HOMER1: variants seen among roughly 807,000 people sequenced by gnomAD.
HOMER1 encodes homer protein homolog 1.
HOMER1 carries 3 observed loss-of-function variants against 48.9 expected under a neutral mutation model. That is an observed-to-expected ratio of 0.06 (90% CI 0.03 to 0.16). The LOEUF (loss-of-function observed/expected upper bound fraction) is 0.16, where lower values mean the gene tolerates loss of function less well. Ranked by LOEUF, HOMER1 falls within the 10% of genes least tolerant of loss-of-function variation. HOMER1 has a pLI of 1.00. For synonymous variants in HOMER1, 134 were observed against 146.4 expected (o/e 0.92, Z 0.61); for missense variants, 247 against 411.4 (o/e 0.60, Z 3.46).
intron 1 of HOMER1, among the ~76,000 whole-genome samples, chr5:79,491,318 TGGTGAGGCAAGA>T (rs1752269790): frequency 6.7e-6 from 1 of 149,540 alleles, no homozygotes. Context: ...AGCTACTTGG[TGGTGAGGCAAGA>T]GGCGAGGTAG....
At chr5:79,418,316 C>CT (rs1273718806) in intron 5 of HOMER1, among the ~76,000 whole-genome samples, 2 of 152,188 alleles carry the variant, frequency 1.3e-5, no homozygotes, top group East Asian at 1.9e-4. Flanking sequence ...TCAAAAGAGG[C>CT]TTTTTTTGGT....
chr5:79,386,729 A>C (rs564494454), intron 8 of HOMER1, among the ~76,000 whole-genome samples: 2 of 152,342 alleles, frequency 1.3e-5, no homozygotes, highest in East Asian at 3.9e-4. Flanking sequence ...CATGTATCCC[A>C]TAAATACGTA....
intron 5 of HOMER1, among the ~76,000 whole-genome samples, chr5:79,436,795 G>C (rs1303263016): frequency 6.6e-6 from 1 of 152,124 alleles, no homozygotes; most frequent in Non-Finnish European, 1.5e-5. Flanking sequence ...TATACCTCAG[G>C]TGGAAATCTT....
intron 8 of HOMER1, among the ~76,000 whole-genome samples, chr5:79,394,243 C>A (rs911809736): frequency 6.6e-6 from 1 of 152,154 alleles, no homozygotes; most frequent in African/African-American, 2.4e-5. Flanking sequence ...TTTCAGGATT[C>A]TTTTCCAAGG....
At position 79,513,061 on chromosome 5, in the gene HOMER1, A is replaced by G. The variant is rs1752985364; in HGVS notation, c.-287T>C. 1 of 480,190 alleles carries G rather than the reference A, an allele frequency of 2.1e-6. No individual in the cohort carries two copies. Among genetic ancestry groups the G allele is most frequent in the Non-Finnish European group, 3.7e-6 (1 of 270,714 alleles). 29.7% of individuals were successfully genotyped at this position (480,190 alleles called of 1,614,324 possible). On this transcript the variant is annotated 5_prime_UTR_variant, in exon 1 of 9. Coordinates refer to ENST00000334082, the MANE Select transcript of HOMER1 (RefSeq NM_004272.5). ...CTCTATTCCACAAAATGAGTCTACA[A>G]GTAGGGAAATGCAGAATCCGGCTTC...
chr5:79,495,825 T>C (rs1561387071), intron 1 of HOMER1, among the ~76,000 whole-genome samples: 1 of 152,246 alleles, frequency 6.6e-6, no homozygotes, highest in East Asian at 1.9e-4. Flanking sequence ...ATCAATTAAC[T>C]GTCAACAGTG....
chr5:79,450,684 T>C (rs1292960187), intron 3 of HOMER1, among the ~76,000 whole-genome samples: 7 of 152,184 alleles, frequency 4.6e-5, no homozygotes, highest in Admixed American at 4.6e-4. Context: ...CCATCTCCAA[T>C]TGAGGGTACT....
chr5:79,412,354 T>C (rs145458012), intron 5 of HOMER1, among the ~76,000 whole-genome samples: 86 of 152,284 alleles, frequency 5.6e-4, no homozygotes, highest in African/African-American at 2.0e-3. Flanking sequence ...TACTAAAAAA[T>C]ACTTGGAACA....
intron 1 of HOMER1, among the ~76,000 whole-genome samples, chr5:79,481,061 A>G (rs1279814457): frequency 6.6e-6 from 1 of 152,262 alleles, no homozygotes. Flanking sequence ...AGATCTATCT[A>G]AAACACATTT....
At chr5:79,438,216 C>T (rs958859004) in intron 5 of HOMER1, among the ~76,000 whole-genome samples, 1 of 152,102 alleles carries the variant, frequency 6.6e-6, no homozygotes, top group Non-Finnish European at 1.5e-5. Context: ...GTTTTCCTAA[C>T]TTTAACTAAA....
At chr5:79,391,422 G>A (rs1308863256) in intron 8 of HOMER1, among the ~76,000 whole-genome samples, 3 of 151,196 alleles carry the variant, frequency 2.0e-5, no homozygotes, top group Admixed American at 6.6e-5. Flanking sequence ...GAACCACCGC[G>A]CCTGGCCAAA....
At chr5:79,442,097 A>T (rs529341319) in intron 4 of HOMER1, among the ~76,000 whole-genome samples, 43 of 152,226 alleles carry the variant, frequency 2.8e-4, no homozygotes, top group African/African-American at 9.9e-4. Context: ...TGAGAAAATA[A>T]AACCACTTAC....
Position 79,415,588 on chromosome 5 carries a change from T to C in HOMER1, c.528-13533A>G, listed in dbSNP as rs114077893. On this transcript the variant is annotated intron_variant, in intron 5 of 8. Transcript: ENST00000334082. ...AAACCTAAAAGAGTTGTCATAGTCA[T>C]AGTTTAATTGACGATATTTTTTCTT... is the stretch of plus-strand genomic sequence containing the variant. 7.8e-3 allele frequency among the ~76,000 whole-genome samples: 1,184 copies of C among 152,326 alleles called. 12 individuals are homozygous for C. Among genetic ancestry groups the C allele is most frequent in the African/African-American group, 0.026 (1,060 of 41,558 alleles).
chr5:79,381,553 T>C (rs1748976558), intron 8 of HOMER1, among the ~76,000 whole-genome samples: 1 of 152,198 alleles, frequency 6.6e-6, no homozygotes, highest in Non-Finnish European at 1.5e-5. Context: ...AATTATTGAT[T>C]CTAAAGAAGC....
intron 7 of HOMER1, 32 bp from the exon 8 acceptor site, chr5:79,396,935 A>C: frequency 2.5e-6 from 3 of 1,210,344 alleles, no homozygotes; most frequent in Non-Finnish European, 3.6e-6. Context: ...CTTAACATTC[A>C]AACTATATCA....
At chr5:79,425,322 T>C (rs908547892) in intron 5 of HOMER1, among the ~76,000 whole-genome samples, 33 of 152,042 alleles carry the variant, frequency 2.2e-4, no homozygotes, top group African/African-American at 7.7e-4. Context: ...GATATCAGGA[T>C]GTAAGAGAAT....
chr5:79,457,569 A>T (rs563648838), intron 1 of HOMER1, among the ~76,000 whole-genome samples: 1 of 152,348 alleles, frequency 6.6e-6, no homozygotes, highest in South Asian at 2.1e-4. Flanking sequence ...TGATGTGGAG[A>T]AAATATGTGT....
chr5:79,426,145 A>C (rs80122230), intron 5 of HOMER1, among the ~76,000 whole-genome samples: 3,704 of 152,106 alleles, frequency 0.024, 149 homozygotes, highest in African/African-American at 0.084. Flanking sequence ...GTGAGGATAG[A>C]AAGTGGAAAG....
chr5:79,506,120 A>AT (rs199906228), intron 1 of HOMER1, among the ~76,000 whole-genome samples: 55 of 87,416 alleles, frequency 6.3e-4, no homozygotes, highest in African/African-American at 2.4e-3. Context: ...TTATTTATTT[A>AT]TTTATTTTTT....
Sources: allele counts gnomAD v4.1 joint callset (sites outside exome capture counted in the v4.1 genomes callset), GRCh38; gene constraint gnomAD v4.1.1; transcripts MANE v1.5; gene names NCBI Gene and HGNC (gene_info 2026-07-23, HGNC 2026-07-21).